DRD3: variants seen among roughly 807,000 people sequenced by gnomAD.
DRD3 encodes dopamine receptor D3.
Under a neutral mutation model 36.3 loss-of-function variants are expected in DRD3, and 19 were observed. The observed-to-expected ratio is 0.52, with a 90% CI of 0.36 to 0.77. DRD3 has a LOEUF of 0.77. Ranked by LOEUF, DRD3 falls within the 30% of genes least tolerant of loss-of-function variation. DRD3 has a pLI of 0.00. For synonymous variants in DRD3, 195 were observed against 203.7 expected (o/e 0.96, Z 0.36); for missense variants, 465 against 505.3 (o/e 0.92, Z 0.77).
chr3:114,139,476 C>A (rs1454419396), intron 5 of DRD3, 24 bp downstream of exon 5: 3 of 1,604,726 alleles, frequency 1.9e-6, no homozygotes. Context: ...GTTGTCTTCC[C>A]TCTACCCCCT....
intron 3 of DRD3, among the ~76,000 whole-genome samples, chr3:114,154,990 G>A (rs901308137): frequency 1.3e-5 from 2 of 152,206 alleles, no homozygotes; most frequent in Non-Finnish European, 2.9e-5. Flanking sequence ...AAGCATCAGA[G>A]CTATGCCTAA....
intron 6 of DRD3, among the ~76,000 whole-genome samples, chr3:114,129,932 C>G (rs190362618): frequency 8.5e-5 from 13 of 152,110 alleles, no homozygotes; most frequent in Admixed American, 6.6e-4. Flanking sequence ...GTAGCGCATG[C>G]CTGTAATCTC....
At chr3:114,169,788 A>G (rs2077822239) in intron 2 of DRD3, among the ~76,000 whole-genome samples, 1 of 152,164 alleles carries the variant, frequency 6.6e-6, no homozygotes. Context: ...TCTAGTGTGG[A>G]AAAGTCACAA....
chr3:114,137,290 A>T (rs1253756863), intron 5 of DRD3, among the ~76,000 whole-genome samples: 4 of 152,172 alleles, frequency 2.6e-5, no homozygotes, highest in African/African-American at 4.8e-5. Context: ...ACAACTGCTG[A>T]ATGGGGTGCA....
intron 5 of DRD3, among the ~76,000 whole-genome samples, chr3:114,134,270 T>C (rs562029351): frequency 2.6e-5 from 4 of 152,230 alleles, no homozygotes; most frequent in African/African-American, 9.6e-5. Flanking sequence ...TATTTATTTA[T>C]TATTTTTAGT....
At chr3:114,165,934 G>C (rs62267152) in intron 2 of DRD3, among the ~76,000 whole-genome samples, 28,022 of 151,512 alleles carry the variant, frequency 0.18, 2,823 homozygotes, top group Admixed American at 0.28. Flanking sequence ...AGACTTCCAG[G>C]GCTGCCCTGG....
chr3:114,134,414 A>C (rs1419046192), intron 5 of DRD3, among the ~76,000 whole-genome samples: 1 of 151,396 alleles, frequency 6.6e-6, no homozygotes, highest in Non-Finnish European at 1.5e-5. Flanking sequence ...AGTTTTTAAA[A>C]TTTTTATTTA....
chr3:114,159,884 A>G lies in DRD3; in HGVS notation c.271-17T>C. ...ACCTGTCACCTGGGTATCAGAGACA[A>G]GGATGTTAGTGTTTACCCCAGTGAA... On this transcript the variant is annotated splice_polypyrimidine_tract_variant and intron_variant, in intron 2 of 6. Coordinates refer to ENST00000383673, the MANE Select transcript of DRD3 (RefSeq NM_000796.6). 6.2e-7 allele frequency: 1 copy of G among 1,610,534 alleles called. No homozygotes were observed. The highest frequency in any genetic ancestry group is 8.5e-7 in the Non-Finnish European group (1 of 1,176,754).
chr3:114,139,635 G>A lies in DRD3; in HGVS notation c.588C>T (p.Ser196=). ...CAGTCACTCCAAAGGGCAGGTAGAA[G>A]GACACCACTGAAGAGTAGATGACAA... ...PDFVIYSSVV[S]FYLPFGVTVL... The change falls in exon 5 of 7, where the codon TCC becomes TCT. Residue 196 remains serine, a synonymous_variant. Transcript: ENST00000383673. 9 of 1,614,202 alleles carry A rather than the reference G, an allele frequency of 5.6e-6. No homozygotes were observed. The highest frequency in any genetic ancestry group is 7.6e-6 in the Non-Finnish European group (9 of 1,180,046).
At chr3:114,174,028 T>C (rs2077873429) in intron 1 of DRD3, among the ~76,000 whole-genome samples, 1 of 152,166 alleles carries the variant, frequency 6.6e-6, no homozygotes, top group Non-Finnish European at 1.5e-5. Context: ...GGTGACAAAC[T>C]TGGAATGAAT....
chr3:114,172,961 T>C (rs2077861210), intron 1 of DRD3, among the ~76,000 whole-genome samples: 1 of 152,070 alleles, frequency 6.6e-6, no homozygotes, highest in Non-Finnish European at 1.5e-5. Flanking sequence ...TCTTCTGCTG[T>C]GGTCTCGGTG....
intron 1 of DRD3, among the ~76,000 whole-genome samples, chr3:114,195,875 G>T (rs569826114): frequency 4.3e-4 from 66 of 152,276 alleles, no homozygotes; most frequent in African/African-American, 1.2e-3. Flanking sequence ...GGCAGAGAAT[G>T]GTTGATTGGA....
At chr3:114,175,738 A>C (rs73856263) in intron 1 of DRD3, among the ~76,000 whole-genome samples, 345 of 152,268 alleles carry the variant, frequency 2.3e-3, no homozygotes, top group African/African-American at 7.9e-3. Context: ...CCCTTTGTAT[A>C]ATTAGCCACT....
intron 4 of DRD3, 95 bp from the exon 5 acceptor site, chr3:114,139,791 A>G: frequency 8.4e-7 from 1 of 1,188,158 alleles, no homozygotes; most frequent in South Asian, 1.5e-5. Context: ...TGGTGCCTGC[A>G]CTTTCTGCTG....
intron 3 of DRD3, among the ~76,000 whole-genome samples, chr3:114,157,029 TTTTTCTTTCTCTCC>T (rs1207909206): frequency 6.6e-6 from 1 of 150,474 alleles, no homozygotes; most frequent in Non-Finnish European, 1.5e-5. Flanking sequence ...TTTCTTTCTT[TTTTTCTTTCTCTCC>T]TTTTTTTTTC....
At chr3:114,132,029 C>A (rs1281897652) in intron 5 of DRD3, among the ~76,000 whole-genome samples, 1 of 152,166 alleles carries the variant, frequency 6.6e-6, no homozygotes, top group Non-Finnish European at 1.5e-5. Flanking sequence ...CCAGAAATAC[C>A]ATTTGACCCA....
chr3:114,145,147 G>A (rs1465423035), intron 4 of DRD3, among the ~76,000 whole-genome samples: 4 of 151,990 alleles, frequency 2.6e-5, no homozygotes, highest in African/African-American at 9.7e-5. Context: ...GCAGGGATTT[G>A]CTTTTGGCTA....
At chr3:114,142,917 G>C (rs1022445850) in intron 4 of DRD3, among the ~76,000 whole-genome samples, 1 of 152,204 alleles carries the variant, frequency 6.6e-6, no homozygotes, top group African/African-American at 2.4e-5. Context: ...ATTGCAGGCA[G>C]AGTGACACTG....
intron 6 of DRD3, 32 bp from the exon 7 acceptor site, chr3:114,128,944 A>G: frequency 6.5e-7 from 1 of 1,533,732 alleles, no homozygotes; most frequent in Non-Finnish European, 8.8e-7. Context: ...AAACTGGGTA[A>G]GGGATTTGCT....
Sources: gnomAD v4.1 joint callset for allele counts (sites outside exome capture counted in the v4.1 genomes callset) on GRCh38, gnomAD v4.1.1 for gene constraint, MANE v1.5 for transcripts, NCBI Gene and HGNC (gene_info 2026-07-23, HGNC 2026-07-21) for gene names.